CTIF: variants seen among roughly 807,000 people sequenced by gnomAD.
CTIF encodes CBP80/20-dependent translation initiation factor.
In CTIF, 21 loss-of-function variants were observed where a neutral mutation model predicts 66.0. That is an observed-to-expected ratio of 0.32 (90% confidence interval 0.23 to 0.46). The LOEUF (loss-of-function observed/expected upper bound fraction) is 0.46. CTIF is among the 20% of genes least tolerant of loss of function. The pLI, the probability that CTIF is intolerant of heterozygous loss-of-function variation, is 1.00. For missense variants in CTIF, 739 were observed against 812.7 expected, an observed-to-expected ratio of 0.91 and a Z score of 1.10; for synonymous variants, 345 against 326.4, an observed-to-expected ratio of 1.06 and a Z score of -0.62.
intron 5 of CTIF, among the ~76,000 whole-genome samples, chr18:48,666,390 A>C (rs954343150): frequency 3.9e-5 from 6 of 152,216 alleles, no homozygotes; most frequent in Non-Finnish European, 8.8e-5. Context: ...TTTAGAGATG[A>C]GGAAAATAAC....
intron 10 of CTIF, among the ~76,000 whole-genome samples, chr18:48,854,738 T>C (rs1011376437): frequency 6.6e-6 from 1 of 151,964 alleles, no homozygotes; most frequent in African/African-American, 2.4e-5. Context: ...CTGGGCAACA[T>C]AGAGAGACCC....
intron 7 of CTIF, among the ~76,000 whole-genome samples, chr18:48,716,407 C>T (rs1395788217): frequency 2.0e-5 from 3 of 152,152 alleles, no homozygotes; most frequent in Non-Finnish European, 4.4e-5. Context: ...ACTAGTGAGA[C>T]CTCCAGGAGG....
intron 1 of CTIF, among the ~76,000 whole-genome samples, chr18:48,589,294 C>T (rs549324410): frequency 7.9e-5 from 12 of 152,308 alleles, no homozygotes; most frequent in South Asian, 2.1e-4. Flanking sequence ...AGCTTTTCTC[C>T]TGGCTCGAGG....
intron 7 of CTIF, among the ~76,000 whole-genome samples, chr18:48,752,267 A>G (rs1464672923): frequency 6.6e-6 from 1 of 152,122 alleles, no homozygotes; most frequent in African/African-American, 2.4e-5. Context: ...AGTGTTTCTG[A>G]TGCATGCTGG....
intron 1 of CTIF, among the ~76,000 whole-genome samples, chr18:48,572,045 CTCT>C (rs386803018): frequency 7.9e-6 from 1 of 126,048 alleles, no homozygotes; most frequent in African/African-American, 3.5e-5. Flanking sequence ...TTTCTTCCTT[CTCT>C]TTCTCCTTCT....
intron 1 of CTIF, among the ~76,000 whole-genome samples, chr18:48,589,983 T>C (rs557666592): frequency 1.3e-4 from 20 of 152,008 alleles, no homozygotes; most frequent in African/African-American, 4.8e-4. Flanking sequence ...GGCCTGCCCC[T>C]GCTTTCCTTT....
At chr18:48,781,561 T>G (rs1599033496) in intron 9 of CTIF, among the ~76,000 whole-genome samples, 1 of 152,086 alleles carries the variant, frequency 6.6e-6, no homozygotes, top group African/African-American at 2.4e-5. Context: ...AGCCGGGCGG[T>G]CTGAGGCCAT....
rs9967535 is a variant in CTIF, at chr18:48,705,734, C to T, written c.508-5885C>T. On this transcript the variant is annotated intron_variant, in intron 6 of 11. Coordinates refer to ENST00000256413, the MANE Select transcript of CTIF (RefSeq NM_014772.3). The stretch of plus-strand genomic sequence containing the variant: ...ACTCAGCCCATGATGCTGCTGCCAT[C>T]GGCCTGCCGGGTTGAGGTTGTGGCA... Among the ~76,000 whole-genome samples the T allele has an allele frequency of 5.5e-3, 843 of 152,352 alleles. 9 individuals are homozygous for T. Among genetic ancestry groups the T allele is most frequent in the African/African-American group, 0.018 (741 of 41,582 alleles).
chr18:48,620,127 C>G (rs1297222041), intron 2 of CTIF, among the ~76,000 whole-genome samples: 1 of 152,234 alleles, frequency 6.6e-6, no homozygotes, highest in Non-Finnish European at 1.5e-5. Context: ...CATCAAAGAA[C>G]TATAACTTGT....
intron 3 of CTIF, among the ~76,000 whole-genome samples, chr18:48,648,434 C>A (rs1007339891): frequency 6.6e-6 from 1 of 151,170 alleles, no homozygotes; most frequent in Non-Finnish European, 1.5e-5. Context: ...TTCCCCCTTT[C>A]CCAGCTGTGT....
At chr18:48,634,771 C>T (rs75247522) in intron 2 of CTIF, among the ~76,000 whole-genome samples, 6 of 152,180 alleles carry the variant, frequency 3.9e-5, no homozygotes, top group African/African-American at 7.2e-5. Context: ...CCTCTGACAC[C>T]GTTGCCACTT....
At chr18:48,635,387 G>A (rs1030650442) in intron 2 of CTIF, among the ~76,000 whole-genome samples, 12 of 137,842 alleles carry the variant, frequency 8.7e-5, no homozygotes, top group African/African-American at 2.8e-4. Flanking sequence ...GCATTGGCAC[G>A]ACCACAGCTC....
chr18:48,722,347 CTG>C (rs1043749716), intron 7 of CTIF, among the ~76,000 whole-genome samples: 1 of 151,708 alleles, frequency 6.6e-6, no homozygotes, highest in African/African-American at 2.4e-5. Flanking sequence ...TCCCAAGTAA[CTG>C]GGACCACAGG....
At chr18:48,655,555 A>T (rs982500521) in intron 3 of CTIF, among the ~76,000 whole-genome samples, 1 of 152,138 alleles carries the variant, frequency 6.6e-6, no homozygotes, top group Non-Finnish European at 1.5e-5. Context: ...GTGGACTGGG[A>T]CTGGGAGTCC....
At chr18:48,684,511 A>C (rs910712390) in intron 6 of CTIF, among the ~76,000 whole-genome samples, 1 of 152,102 alleles carries the variant, frequency 6.6e-6, no homozygotes, top group Non-Finnish European at 1.5e-5. Flanking sequence ...TATCAATTCT[A>C]GTGATTTCCT....
intron 7 of CTIF, among the ~76,000 whole-genome samples, chr18:48,751,405 G>A (rs1282546825): frequency 1.3e-5 from 2 of 152,136 alleles, no homozygotes; most frequent in Non-Finnish European, 2.9e-5. Context: ...CTAGAGACCT[G>A]TTTCTGTAAC....
At chr18:48,705,892 C>T (rs909757600) in intron 6 of CTIF, among the ~76,000 whole-genome samples, 1 of 152,264 alleles carries the variant, frequency 6.6e-6, no homozygotes, top group Non-Finnish European at 1.5e-5. Context: ...CAGAGGCGCC[C>T]GTTCAACTTC....
intron 1 of CTIF, among the ~76,000 whole-genome samples, chr18:48,586,906 C>G (rs1346421744): frequency 3.3e-5 from 5 of 150,858 alleles, no homozygotes; most frequent in Admixed American, 3.3e-4. Context: ...TGCTTCTTCC[C>G]TGTCTCATAC....
chr18:48,699,204 G>A (rs945454104), intron 6 of CTIF, among the ~76,000 whole-genome samples: 3 of 152,172 alleles, frequency 2.0e-5, no homozygotes, highest in Non-Finnish European at 4.4e-5. Context: ...CTTGGCTGCC[G>A]AGGCCTGAAA....
Sources: gnomAD v4.1 joint callset for allele counts (sites outside exome capture counted in the v4.1 genomes callset) on GRCh38, gnomAD v4.1.1 for gene constraint, MANE v1.5 for transcripts, NCBI Gene and HGNC (gene_info 2026-07-23, HGNC 2026-07-21) for gene names.